The following RBPMS variants were observed in gnomAD, a reference collection of about 807,000 sequenced individuals.
RBPMS encodes RNA-binding protein with multiple splicing.
Under a neutral mutation model 26.8 loss-of-function variants are expected in RBPMS, and 7 were observed. The ratio of observed to expected loss-of-function variants is 0.26; its 90% CI spans 0.15 to 0.49. RBPMS has a LOEUF of 0.49. Among genes scored for constraint, RBPMS ranks in the 20% least tolerant of loss-of-function variants. The probability of loss-of-function intolerance (pLI) is 0.98; values close to 1 mark genes in which losing one functional copy is unlikely to be tolerated. For missense variants in RBPMS, 186 were observed against 250.0 expected (o/e 0.74, Z 1.73); for synonymous variants, 96 against 93.3 (o/e 1.03, Z -0.17).
Position 30,437,007 on chromosome 8 carries a change from C to T in RBPMS, c.67-37772C>T, listed in dbSNP as rs2150690547. ...GCGCAATCTCGGCTCACTGCAAGCT[C>T]TGCCTCCTGGGTTCACGCCATTCTT... On this transcript the variant is annotated intron_variant, in intron 1 of 8. Transcript: ENST00000397323. Among the ~76,000 whole-genome samples, 4 of 151,160 alleles carry T rather than the reference C, an allele frequency of 2.6e-5. No individual in the cohort carries two copies. In the South Asian group the frequency reaches 6.3e-4, roughly 24 times the overall value.
chr8:30,385,023 G>C lies in RBPMS; in HGVS notation c.-70G>C. On this transcript the variant is annotated 5_prime_UTR_variant, in exon 1 of 9. Transcript: ENST00000397323. ...GCCCCGGCGCCCGGGGAAGGCTCCAGTGGGCTAGCGCGCCCTCGCCCAGCC... is the reference window on the plus strand; with the variant it reads ...GCCCCGGCGCCCGGGGAAGGCTCCACTGGGCTAGCGCGCCCTCGCCCAGCC... 7.7e-7 allele frequency: 1 copy of C among 1,303,660 alleles called. No homozygotes were observed. Among genetic ancestry groups the C allele is most frequent in the Non-Finnish European group, 1.0e-6 (1 of 976,382 alleles). 80.8% of individuals were successfully genotyped at this position (1,303,660 alleles called of 1,614,324 possible).
chr8:30,385,182 G>T (rs1429858065), intron 1 of RBPMS, 24 bp downstream of exon 1: 8 of 1,456,806 alleles, frequency 5.5e-6, no homozygotes, highest in Non-Finnish European at 7.3e-6. Flanking sequence ...CGGTGTGGTG[G>T]CGGGGGCGAC....
At chr8:30,388,095 C>T (rs1807324630) in intron 1 of RBPMS, among the ~76,000 whole-genome samples, 1 of 152,070 alleles carries the variant, frequency 6.6e-6, no homozygotes, top group Non-Finnish European at 1.5e-5. Flanking sequence ...ACATTAAATA[C>T]ATGTGTAATA....
intron 1 of RBPMS, chr8:30,453,703 G>T (rs923512959): frequency 1.3e-5 from 2 of 152,154 alleles, no homozygotes; most frequent in African/African-American, 4.8e-5. Flanking sequence ...CTCACGGCCT[G>T]ATTCAAAGGC....
chr8:30,386,744 A>G (rs779276489), intron 1 of RBPMS, among the ~76,000 whole-genome samples: 2 of 152,194 alleles, frequency 1.3e-5, no homozygotes, highest in African/African-American at 2.4e-5. Context: ...CCATATCAAG[A>G]TAATCATCGC....
At chr8:30,446,364 A>G (rs1813768882) in intron 1 of RBPMS, among the ~76,000 whole-genome samples, 1 of 152,154 alleles carries the variant, frequency 6.6e-6, no homozygotes, top group Non-Finnish European at 1.5e-5. Context: ...TTCTGTTTCA[A>G]ACTTGACACT....
At chr8:30,418,876 G>A (rs751001673) in intron 1 of RBPMS, among the ~76,000 whole-genome samples, 1 of 152,016 alleles carries the variant, frequency 6.6e-6, no homozygotes, top group Non-Finnish European at 1.5e-5. Flanking sequence ...TAGTGGTACA[G>A]GTACTCATGC....
intron 1 of RBPMS, among the ~76,000 whole-genome samples, chr8:30,459,837 A>G (rs1585540506): frequency 6.6e-6 from 1 of 152,242 alleles, no homozygotes; most frequent in African/African-American, 2.4e-5. Context: ...TTAAAAGTAC[A>G]TATAATCATG....
chr8:30,540,792 C>A (rs978241137), intron 5 of RBPMS, among the ~76,000 whole-genome samples: 9 of 152,092 alleles, frequency 5.9e-5, no homozygotes, highest in African/African-American at 2.2e-4. Context: ...TTTAGGAGGC[C>A]TTTTCAGTAA....
At chr8:30,481,505 G>A (rs1266385777) in intron 4 of RBPMS, among the ~76,000 whole-genome samples, 1 of 151,852 alleles carries the variant, frequency 6.6e-6, no homozygotes, top group Non-Finnish European at 1.5e-5. Context: ...TGGTCTTGAG[G>A]TCTGGTTTTA....
Position 30,473,536 on chromosome 8 carries a change from C to T in RBPMS, c.67-1243C>T, listed in dbSNP as rs867277259. 2.0e-5 allele frequency among the ~76,000 whole-genome samples: 3 copies of T among 152,064 alleles called. No individual in the cohort carries two copies. The South Asian group carries it at 6.2e-4, about 32-fold the overall frequency. ...ACACAGTGGGTGGAAGACAGTATGG[C>T]GATTCCTCAAAGATCTAGAAGCAGA... On this transcript the variant is annotated intron_variant, in intron 1 of 8. Transcript: ENST00000397323.
chr8:30,568,275 C>T (rs986299436), intron 8 of RBPMS, among the ~76,000 whole-genome samples: 4 of 152,140 alleles, frequency 2.6e-5, no homozygotes, highest in African/African-American at 9.7e-5. Context: ...GCCTTAGAAA[C>T]TCTTGGGGAA....
intron 1 of RBPMS, among the ~76,000 whole-genome samples, chr8:30,451,580 T>G (rs186333868): frequency 4.6e-5 from 7 of 152,346 alleles, no homozygotes; most frequent in African/African-American, 1.7e-4. Context: ...TCACGTTATT[T>G]CAGGCTCTCT....
chr8:30,549,546 C>T (rs376566256), intron 6 of RBPMS: 53 of 1,614,014 alleles, frequency 3.3e-5, no homozygotes, highest in Middle Eastern at 1.6e-4. Flanking sequence ...TTGAGCGCTC[C>T]GTCTCCTGAT....
intron 1 of RBPMS, among the ~76,000 whole-genome samples, chr8:30,470,548 G>A (rs944195427): frequency 6.6e-5 from 10 of 152,030 alleles, no homozygotes; most frequent in African/African-American, 1.9e-4. Context: ...TTATGTTTCC[G>A]GATTTAAGTG....
Position 30,474,763 on chromosome 8 carries a change from A to C in RBPMS, c.67-16A>C. ...GTGTCCACACCCTTGATCACTTCCT[A>C]AATTTATTTTTCCAGGTCCGGACCC... On this transcript the variant is annotated splice_polypyrimidine_tract_variant and intron_variant, in intron 1 of 8. Transcript: ENST00000397323. 2 of 1,562,970 alleles carry C rather than the reference A, an allele frequency of 1.3e-6. No homozygotes were observed. The highest frequency in any genetic ancestry group is 1.7e-5 in the Admixed American group (1 of 59,774).
At chr8:30,556,100 G>A (rs1046737967) in intron 6 of RBPMS, 6 of 985,272 alleles carry the variant, frequency 6.1e-6, no homozygotes, top group Non-Finnish European at 7.2e-6. Flanking sequence ...GATGCGGTGA[G>A]AAGAGCCCCC....
At chr8:30,390,462 A>G (rs1049107418) in intron 1 of RBPMS, among the ~76,000 whole-genome samples, 1 of 152,204 alleles carries the variant, frequency 6.6e-6, no homozygotes, top group Non-Finnish European at 1.5e-5. Flanking sequence ...CGAATCCTTC[A>G]GTGCTACTTG....
Position 30,474,774 on chromosome 8 carries a change from TC to T in RBPMS, c.67-3del. The stretch of plus-strand genomic sequence containing the variant: ...CTTGATCACTTCCTAAATTTATTTT[TC>T]CAGGTCCGGACCCTATTTGTCAGTG... On this transcript the variant is annotated splice_polypyrimidine_tract_variant and splice_region_variant and intron_variant, in intron 1 of 8. Transcript: ENST00000397323. 1 of 1,600,506 alleles carries T rather than the reference TC, an allele frequency of 6.2e-7. No individual in the cohort carries two copies. The highest frequency in any genetic ancestry group is 8.6e-7 in the Non-Finnish European group (1 of 1,167,960).
Sources: allele counts gnomAD v4.1 joint callset (sites outside exome capture counted in the v4.1 genomes callset), GRCh38; gene constraint gnomAD v4.1.1; transcripts MANE v1.5; gene names NCBI Gene and HGNC (gene_info 2026-07-23, HGNC 2026-07-21).